The following MIS18A variants were observed in gnomAD, a reference collection of about 807,000 sequenced individuals.
MIS18A encodes the protein MIS18 kinetochore protein A, also known as protein Mis18-alpha.
Under a neutral mutation model 25.0 loss-of-function variants are expected in MIS18A, and 14 were observed. The ratio of observed to expected loss-of-function variants is 0.56; its 90% CI spans 0.37 to 0.88. The LOEUF is 0.88. Ranked by LOEUF, MIS18A falls within the 40% of genes least tolerant of loss-of-function variation. The probability of loss-of-function intolerance (pLI) is 0.00; values close to 1 mark genes in which losing one functional copy is unlikely to be tolerated. For synonymous variants in MIS18A, 134 were observed against 118.6 expected, an observed-to-expected ratio of 1.13 and a Z score of -0.84; for missense variants, 292 against 290.8, an observed-to-expected ratio of 1.00 and a Z score of -0.03.
the MIS18A span, among the ~76,000 whole-genome samples, chr21:32,155,319 C>A: frequency 6.6e-6 from 1 of 151,822 alleles, no homozygotes; most frequent in Non-Finnish European, 1.5e-5. Context: ...CTGGCCCTTA[C>A]AAATTGTACA....
chr21:32,206,856 C>G, the MIS18A span, among the ~76,000 whole-genome samples: 11 of 152,186 alleles, frequency 7.2e-5, no homozygotes, highest in Non-Finnish European at 1.6e-4. Flanking sequence ...CCCGCTGTCT[C>G]TAGTGCCCAG....
chr21:32,222,117 GA>G, the MIS18A span, among the ~76,000 whole-genome samples: 11 of 141,286 alleles, frequency 7.8e-5, no homozygotes, highest in Middle Eastern at 7.1e-3. Flanking sequence ...CAAATGGAAA[GA>G]AAAAAAAAAG....
At chr21:32,170,095 C>T in the MIS18A span, among the ~76,000 whole-genome samples, 1 of 152,038 alleles carries the variant, frequency 6.6e-6, no homozygotes, top group East Asian at 1.9e-4. Context: ...TAAATATGTT[C>T]AAAGAACTAA....
the MIS18A span, among the ~76,000 whole-genome samples, chr21:32,212,953 C>T: frequency 8.5e-5 from 13 of 152,256 alleles, no homozygotes; most frequent in African/African-American, 2.9e-4. Flanking sequence ...TACCCAGTCT[C>T]GGGTATATCT....
At chr21:32,193,507 GAT>G in the MIS18A span, among the ~76,000 whole-genome samples, 2 of 109,468 alleles carry the variant, frequency 1.8e-5, no homozygotes, top group East Asian at 6.6e-4. Flanking sequence ...TAGATAGATA[GAT>G]AGATAGATAG....
the MIS18A span, among the ~76,000 whole-genome samples, chr21:32,227,545 A>G: frequency 6.6e-6 from 1 of 152,334 alleles, no homozygotes; most frequent in East Asian, 1.9e-4. Context: ...TATAAAAAAT[A>G]CAGAGATTGA....
At chr21:32,254,776 G>T in the MIS18A span, among the ~76,000 whole-genome samples, 1 of 151,884 alleles carries the variant, frequency 6.6e-6, no homozygotes, top group African/African-American at 2.4e-5. Context: ...TCTTAATCCG[G>T]GCCCAGATTT....
At chr21:32,196,162 T>A in the MIS18A span, among the ~76,000 whole-genome samples, 1 of 152,172 alleles carries the variant, frequency 6.6e-6, no homozygotes, top group Non-Finnish European at 1.5e-5. Context: ...CCATTTGAAC[T>A]GGTACACTGA....
At chr21:32,214,470 G>C in the MIS18A span, among the ~76,000 whole-genome samples, 40 of 152,318 alleles carry the variant, frequency 2.6e-4, no homozygotes, top group African/African-American at 8.7e-4. Context: ...CATATGTATG[G>C]TTGACTAGTG....
At chr21:32,189,155 AG>A in the MIS18A span, among the ~76,000 whole-genome samples, 1 of 152,240 alleles carries the variant, frequency 6.6e-6, no homozygotes, top group African/African-American at 2.4e-5. Context: ...CTCCATGTGC[AG>A]GTGCATCAGA....
chr21:32,244,838 C>T, the MIS18A span, among the ~76,000 whole-genome samples: 1 of 152,096 alleles, frequency 6.6e-6, no homozygotes. Flanking sequence ...TAGAAGATAT[C>T]AAAATATGGT....
chr21:32,271,688 C>T (rs2123465521), intron 2 of MIS18A, among the ~76,000 whole-genome samples: 1 of 152,316 alleles, frequency 6.6e-6, no homozygotes, highest in African/African-American at 2.4e-5. Context: ...TCAAGCAATC[C>T]TCCACCTTGG....
intron 1 of MIS18A, chr21:32,278,378 TAGGGTCTTTAA>T (rs1055311767): frequency 2.4e-6 from 1 of 411,100 alleles, no homozygotes; most frequent in Non-Finnish European, 4.3e-6. Context: ...TCTCTTTTTT[TAGGGTCTTTAA>T]AAGTGTTATT....
the MIS18A span, among the ~76,000 whole-genome samples, chr21:32,237,543 G>C: frequency 6.6e-6 from 1 of 152,052 alleles, no homozygotes; most frequent in African/African-American, 2.4e-5. Flanking sequence ...GCTTCATTTG[G>C]AGTTGATAAG....
At chr21:32,178,710 A>G in the MIS18A span, among the ~76,000 whole-genome samples, 11 of 152,304 alleles carry the variant, frequency 7.2e-5, no homozygotes, top group East Asian at 1.9e-3. Flanking sequence ...CCTATTTGGA[A>G]TACATTGAGC....
the MIS18A span, among the ~76,000 whole-genome samples, chr21:32,193,462 T>C: frequency 1.3e-5 from 2 of 150,320 alleles, no homozygotes; most frequent in South Asian, 4.2e-4. Context: ...ATATAATAGG[T>C]TGATGATAGA....
At chr21:32,270,334 T>TAACCAAAC in intron 3 of MIS18A, 73 bp downstream of exon 3, 1 of 1,547,336 alleles carries the variant, frequency 6.5e-7, no homozygotes, top group Non-Finnish European at 8.9e-7. Context: ...AGTATTGATT[T>TAACCAAAC]AGTTCTGACA....
chr21:32,220,182 G>A, the MIS18A span, among the ~76,000 whole-genome samples: 51 of 152,192 alleles, frequency 3.4e-4, no homozygotes, highest in Admixed American at 3.3e-3. Context: ...TCCTGACTGT[G>A]AGACACCTCC....
chr21:32,200,207 C>T, the MIS18A span, among the ~76,000 whole-genome samples: 2 of 152,176 alleles, frequency 1.3e-5, no homozygotes, highest in Admixed American at 6.5e-5. Context: ...TAGGCATGGC[C>T]ATATTCCAAT....
Sources: gnomAD v4.1 joint callset for allele counts (sites outside exome capture counted in the v4.1 genomes callset) on GRCh38, gnomAD v4.1.1 for gene constraint, MANE v1.5 for transcripts, NCBI Gene and HGNC (gene_info 2026-07-23, HGNC 2026-07-21) for gene names.